ZKSCAN1: variants seen among roughly 807,000 people sequenced by gnomAD.
ZKSCAN1 encodes zinc finger with KRAB and SCAN domains 1.
ZKSCAN1 carries 14 observed loss-of-function variants against 51.6 expected under a neutral mutation model. That is an observed-to-expected ratio of 0.27 (90% CI 0.18 to 0.42). The LOEUF (loss-of-function observed/expected upper bound fraction) is 0.42. ZKSCAN1 is among the 10% of genes least tolerant of loss of function. The probability of loss-of-function intolerance (pLI) is 1.00; values close to 1 mark genes in which losing one functional copy is unlikely to be tolerated. For missense variants in ZKSCAN1, 531 were observed against 710.0 expected (o/e 0.75, Z 2.86); for synonymous variants, 263 against 261.5 (o/e 1.01, Z -0.06).
At position 100,036,261 on chromosome 7, in the gene ZKSCAN1, T is replaced by A. The variant is rs1584352310; in HGVS notation, c.*2064T>A. The A allele has an allele frequency of 1.0e-6, 1 of 985,304 alleles. No homozygotes were observed. The highest frequency in any genetic ancestry group is 6.2e-5 in the Admixed American group (1 of 16,256). The allele number at this position is 985,304 out of a possible 1,614,324, so 61.0% of individuals were successfully genotyped here. A position where few individuals can be genotyped will look rare whatever the true frequency, so the allele number is the denominator to read the frequency against. On this transcript the variant is annotated 3_prime_UTR_variant, in exon 6 of 6. Transcript: ENST00000324306. ...CAAGTCAACCAGTCACTAGGATATT[T>A]CTACCCATGCAACGGAAGAAAAACC... is the stretch of plus-strand genomic sequence containing the variant.
chr7:100,016,374 A>G (rs1046476058), intron 1 of ZKSCAN1, among the ~76,000 whole-genome samples: 6 of 152,098 alleles, frequency 3.9e-5, no homozygotes, highest in Admixed American at 3.3e-4. Context: ...GGCTTTGGAA[A>G]AGAGCTGTCC....
At position 100,036,834 on chromosome 7, in the gene ZKSCAN1, T is replaced by TG; in HGVS notation, c.*2637_*2638insG. 2.9e-6 allele frequency: 2 copies of TG among 700,066 alleles called. No homozygotes were observed. The highest frequency in any genetic ancestry group is 3.2e-6 in the Non-Finnish European group (2 of 624,256). The allele number at this position is 700,066 out of a possible 1,614,324, so 43.4% of individuals were successfully genotyped here. A position where few individuals can be genotyped will look rare whatever the true frequency, so the allele number is the denominator to read the frequency against. On this transcript the variant is annotated 3_prime_UTR_variant, in exon 6 of 6. Coordinates refer to ENST00000324306, the MANE Select transcript of ZKSCAN1 (RefSeq NM_003439.4). ...TGGTCATGTTTACATTGGCCTTTGG[T>TG]TTTTTTTTTTCTTTCAGCCACAACT...
At chr7:100,020,057 T>C (rs571378809) in intron 1 of ZKSCAN1, among the ~76,000 whole-genome samples, 32 of 152,336 alleles carry the variant, frequency 2.1e-4, no homozygotes, top group Admixed American at 1.1e-3. Flanking sequence ...AAGATTGTTA[T>C]GTGGTCAAGT....
At chr7:100,022,439 G>C (rs1344181699) in intron 1 of ZKSCAN1, among the ~76,000 whole-genome samples, 1 of 152,252 alleles carries the variant, frequency 6.6e-6, no homozygotes, top group African/African-American at 2.4e-5. Flanking sequence ...AACAACACCT[G>C]TGACAGGTCA....
chr7:100,020,435 A>T (rs1342501528), intron 1 of ZKSCAN1, among the ~76,000 whole-genome samples: 1 of 152,136 alleles, frequency 6.6e-6, no homozygotes, highest in African/African-American at 2.4e-5. Context: ...ATAATCTGAA[A>T]GGTGGATTGT....
Position 100,037,499 on chromosome 7 carries a change from AC to A in ZKSCAN1, c.*3303del, listed in dbSNP as rs1296179064. 10 of 985,472 alleles carry A rather than the reference AC, an allele frequency of 1.0e-5. No individual in the cohort carries two copies. Among genetic ancestry groups the A allele is most frequent in the Non-Finnish European group, 8.4e-6 (7 of 829,944 alleles). 61.0% of individuals were successfully genotyped at this position (985,472 alleles called of 1,614,324 possible). A position where few individuals can be genotyped will look rare whatever the true frequency, so the allele number is the denominator to read the frequency against. ...GTGATACGTGGGACAGTTCACATAG[AC>A]ATCAGAGAATTTATTCCAGAAAGGA... is the stretch of plus-strand genomic sequence containing the variant. On this transcript the variant is annotated 3_prime_UTR_variant, in exon 6 of 6. Coordinates refer to ENST00000324306, the MANE Select transcript of ZKSCAN1 (RefSeq NM_003439.4).
At chr7:100,041,709 TTTTG>T (rs1468538172), downstream of ZKSCAN1, 1 of 985,350 alleles carries the variant, frequency 1.0e-6, no homozygotes, top group Admixed American at 6.1e-5. Context: ...CTGGTTTGTT[TTTTG>T]TTCTTTGTTT....
intron 1 of ZKSCAN1, among the ~76,000 whole-genome samples, chr7:100,016,208 G>A (rs1471690274): frequency 6.6e-6 from 1 of 152,140 alleles, no homozygotes; most frequent in Non-Finnish European, 1.5e-5. Flanking sequence ...TTGAGGTGCC[G>A]CATACGTTTC....
chr7:100,019,988 C>G (rs1237900562), intron 1 of ZKSCAN1, among the ~76,000 whole-genome samples: 1 of 152,246 alleles, frequency 6.6e-6, no homozygotes, highest in Non-Finnish European at 1.5e-5. Context: ...CAGGCATGAG[C>G]CGCTGCGCTC....
At chr7:100,027,470 G>A (rs747139879) in intron 3 of ZKSCAN1, among the ~76,000 whole-genome samples, 1 of 151,344 alleles carries the variant, frequency 6.6e-6, no homozygotes, top group African/African-American at 2.4e-5. Flanking sequence ...GTGCACCGTG[G>A]CCAGGCGTGG....
In ZKSCAN1 at chr7:100,040,107, A is replaced by T. The variant is rs542508916; in HGVS notation, c.*5910A>T. The T allele has an allele frequency of 1.1e-6, 1 of 944,072 alleles. No individual in the cohort carries two copies. The highest frequency in any genetic ancestry group is 1.8e-5 in the African/African-American group (1 of 56,504). 58.5% of individuals were successfully genotyped at this position (944,072 alleles called of 1,614,324 possible). A position where few individuals can be genotyped will look rare whatever the true frequency, so the allele number is the denominator to read the frequency against. On this transcript the variant is annotated 3_prime_UTR_variant, in exon 6 of 6. Coordinates refer to ENST00000324306, the MANE Select transcript of ZKSCAN1 (RefSeq NM_003439.4). The stretch of plus-strand genomic sequence containing the variant: ...TCAAAGCTTTGTGAAACAAACTTGA[A>T]GTTATAGGGAGGTAAGCCATCTCCA...
intron 3 of ZKSCAN1, among the ~76,000 whole-genome samples, chr7:100,026,733 A>T (rs57256111): frequency 0.024 from 3,690 of 152,102 alleles, 84 homozygotes; most frequent in African/African-American, 0.06. Flanking sequence ...TCAGAAAAAA[A>T]AAATAAATAA....
Position 100,034,202 on chromosome 7 carries a change from A to G in ZKSCAN1, c.*5A>G, listed in dbSNP as rs1791249238. On this transcript the variant is annotated 3_prime_UTR_variant, in exon 6 of 6. Coordinates refer to ENST00000324306, the MANE Select transcript of ZKSCAN1 (RefSeq NM_003439.4). ...TTCCTGAAAAGTTGTGTGTAAAGGAAGAATTTGCCATCAAGCCATTTCCCC... is the reference window on the plus strand; with the variant it reads ...TTCCTGAAAAGTTGTGTGTAAAGGAGGAATTTGCCATCAAGCCATTTCCCC... The G allele has an allele frequency of 2.7e-6, 4 of 1,502,016 alleles. No individual in the cohort carries two copies. The Admixed American group carries it at 9.2e-5, about 34-fold the overall frequency. 93.0% of individuals were successfully genotyped at this position (1,502,016 alleles called of 1,614,324 possible).
In ZKSCAN1 at chr7:100,040,391, C is replaced by T. The variant is rs1364572459; in HGVS notation, c.*6194C>T. On this transcript the variant is annotated 3_prime_UTR_variant, in exon 6 of 6. Transcript: ENST00000324306. ...GAATCGTGACTTAATTCAAATTGCACAGTAATCAGTAAAGTGAATACGTTT... is the reference window on the plus strand; with the variant it reads ...GAATCGTGACTTAATTCAAATTGCATAGTAATCAGTAAAGTGAATACGTTT... The T allele has an allele frequency of 1.0e-6, 1 of 985,286 alleles. No individual in the cohort carries two copies. The highest frequency in any genetic ancestry group is 1.7e-5 in the African/African-American group (1 of 57,230). 61.0% of individuals were successfully genotyped at this position (985,286 alleles called of 1,614,324 possible). A position where few individuals can be genotyped will look rare whatever the true frequency, so the allele number is the denominator to read the frequency against.
In ZKSCAN1 at chr7:100,029,869, G is replaced by A; in HGVS notation, c.589G>A (p.Ala197Thr). ...PRLLQSRALP[A>T]AHIPAPPHEG... ...CCTTTCTCCTCCCCCAGCTCTTCCT[G>A]CTGCCCACATTCCTGCACCCCCTCA... is the stretch of plus-strand genomic sequence containing the variant. Residue 197 changes from alanine (A) to threonine (T), a missense_variant, in exon 4 of 6, where the codon GCT (alanine) becomes ACT (threonine). Physicochemically the swap from Ala to Thr is moderately conservative, Grantham distance 58 (BLOSUM62 0). Around this residue, in one of 2 missense-constraint regions of ZKSCAN1, gnomAD observed 403 missense variants for 490.5 expected, o/e 0.82. Transcript: ENST00000324306. 1 of 1,614,032 alleles carries A rather than the reference G, an allele frequency of 6.2e-7. No individual in the cohort carries two copies. Among genetic ancestry groups the A allele is most frequent in the Non-Finnish European group, 8.5e-7 (1 of 1,179,952 alleles).
rs1169588022 is a variant in ZKSCAN1, at chr7:100,023,409, T to A, written c.-88-10T>A. The A allele has an allele frequency of 8.7e-6, 12 of 1,384,792 alleles. No individual in the cohort carries two copies. The highest frequency in any genetic ancestry group is 1.1e-5 in the Non-Finnish European group (11 of 1,021,212). The allele number at this position is 1,384,792 out of a possible 1,614,324, so 85.8% of individuals were successfully genotyped here. The stretch of plus-strand genomic sequence containing the variant: ...AGGTACGTACTAATGACTTTTTTTT[T>A]ATACTTCAGGAATAGTAAAGAAACA... On this transcript the variant is annotated splice_polypyrimidine_tract_variant and intron_variant, in intron 1 of 5. Transcript: ENST00000324306.
downstream of ZKSCAN1, chr7:100,041,768 A>G (rs1374310810): frequency 1.0e-6 from 1 of 981,560 alleles, no homozygotes; most frequent in Admixed American, 6.2e-5. Flanking sequence ...GTGAAGAAAA[A>G]AAAGTATTCC....
intron 3 of ZKSCAN1, among the ~76,000 whole-genome samples, chr7:100,025,457 A>G (rs758910517): frequency 2.4e-4 from 36 of 152,232 alleles, no homozygotes; most frequent in African/African-American, 4.8e-5. Flanking sequence ...ATATAAATAA[A>G]AAGTCATGTT....
In ZKSCAN1 at chr7:100,040,697, A is replaced by G; in HGVS notation, c.*6500A>G. 1 of 985,458 alleles carries G rather than the reference A, an allele frequency of 1.0e-6. No homozygotes were observed. The allele number at this position is 985,458 out of a possible 1,614,324, so 61.0% of individuals were successfully genotyped here. On this transcript the variant is annotated 3_prime_UTR_variant, in exon 6 of 6. Coordinates refer to ENST00000324306, the MANE Select transcript of ZKSCAN1 (RefSeq NM_003439.4). ...ACGGCCCCACACTCCAGGCTGAGAA[A>G]GAGTAATTAGGAGGCCTGAGGAGGG...
Sources: allele counts gnomAD v4.1 joint callset (sites outside exome capture counted in the v4.1 genomes callset), GRCh38; gene constraint gnomAD v4.1.1; regional missense constraint gnomAD v4.1.1; transcripts MANE v1.5; gene names NCBI Gene and HGNC (gene_info 2026-07-23, HGNC 2026-07-21).